The following CDC25B variants were observed in gnomAD, a reference collection of about 807,000 sequenced individuals.
CDC25B encodes the protein M-phase inducer phosphatase 2.
Under a neutral mutation model 69.8 loss-of-function variants are expected in CDC25B, and 33 were observed. That is an observed-to-expected ratio of 0.47 (90% CI 0.36 to 0.63). CDC25B has a LOEUF of 0.63. CDC25B is among the 30% of genes least tolerant of loss of function. The pLI is 0.00. For synonymous variants in CDC25B, 341 were observed against 314.6 expected (o/e 1.08, Z -0.89); for missense variants, 727 against 809.1 (o/e 0.90, Z 1.23).
chr20:3,794,151 C>T (rs544376630), upstream of CDC25B, among the ~76,000 whole-genome samples: 272 of 150,654 alleles, frequency 1.8e-3, no homozygotes, highest in African/African-American at 6.3e-3. Context: ...ATTTCTAGTT[C>T]TAGATCCCTG....
Position 3,796,505 on chromosome 20 carries a change from A to T in CDC25B, c.-27A>T. The T allele has an allele frequency of 6.9e-7, 1 of 1,445,558 alleles. No homozygotes were observed. Among genetic ancestry groups the T allele is most frequent in the South Asian group, 1.3e-5 (1 of 77,784 alleles). The allele number at this position is 1,445,558 out of a possible 1,614,324, so 89.5% of individuals were successfully genotyped here. On this transcript the variant is annotated 5_prime_UTR_variant, in exon 1 of 16. Transcript: ENST00000245960. ...TTGGCTGCCCTGCGCCCGGCCCTCCAGCCAGCCTTCTGCCGGCCCCGCCGC... is the reference window on the plus strand; with the variant it reads ...TTGGCTGCCCTGCGCCCGGCCCTCCTGCCAGCCTTCTGCCGGCCCCGCCGC...
Position 3,804,515 on chromosome 20 carries a change from T to C in CDC25B, c.1491-54T>C, listed in dbSNP as rs2089404230. 6.2e-6 allele frequency: 7 copies of C among 1,124,804 alleles called. No individual in the cohort carries two copies. In the South Asian group the frequency reaches 7.6e-5, roughly 12 times the overall value. The allele number at this position is 1,124,804 out of a possible 1,614,324, so 69.7% of individuals were successfully genotyped here. On this transcript the variant is annotated intron_variant, in intron 14 of 15. Coordinates refer to ENST00000245960, the MANE Select transcript of CDC25B (RefSeq NM_021873.4). The stretch of plus-strand genomic sequence containing the variant: ...GGGACGTGGGGGATAGGTCCCATGA[T>C]GTACAAGCCACTGCATGCCCCACTC...
At chr20:3,801,590 G>A (rs2089285236) in intron 8 of CDC25B, 132 bp from the exon 9 acceptor site, 7 of 1,023,080 alleles carry the variant, frequency 6.8e-6, no homozygotes, top group Non-Finnish European at 1.0e-5. Flanking sequence ...GGTTTGGGAG[G>A]TAGGGGAGCT....
chr20:3,802,117 T>C lies in CDC25B; in HGVS notation c.1098+17T>C. On this transcript the variant is annotated intron_variant, in intron 10 of 15. Coordinates refer to ENST00000245960, the MANE Select transcript of CDC25B (RefSeq NM_021873.4). ...GAGGAACCTGTGAGTGCCTTCCTCC[T>C]GGGGTTCACTTTGGCATGCACCTGG... 1.3e-6 allele frequency: 2 copies of C among 1,544,186 alleles called. No individual in the cohort carries two copies. Among genetic ancestry groups the C allele is most frequent in the Non-Finnish European group, 1.8e-6 (2 of 1,141,282 alleles).
At position 3,803,304 on chromosome 20, in the gene CDC25B, T is replaced by C; in HGVS notation, c.1356+98T>C. ...ATGGGTGGAGGACGGGTGCCCCCTCTCATGGGGAGGGTTCCTACTAAGAGA... is the reference window on the plus strand; with the variant it reads ...ATGGGTGGAGGACGGGTGCCCCCTCCCATGGGGAGGGTTCCTACTAAGAGA... On this transcript the variant is annotated intron_variant, in intron 13 of 15. Transcript: ENST00000245960. The surrounding 1 kb of genome is among the most constrained non-coding windows in gnomAD (Gnocchi z 4.9). 1.3e-6 allele frequency: 2 copies of C among 1,582,696 alleles called. No individual in the cohort carries two copies. The highest frequency in any genetic ancestry group is 1.7e-6 in the Non-Finnish European group (2 of 1,155,544).
chr20:3,803,165 G>A lies in CDC25B; in HGVS notation c.1315G>A (p.Asp439Asn). 1.2e-6 allele frequency: 2 copies of A among 1,614,016 alleles called. No individual in the cohort carries two copies. The highest frequency in any genetic ancestry group is 2.2e-5 in the East Asian group (1 of 44,880). ...CATCGTGGATAAGTTTGTGATTGTA[G>A]ACTGCAGATACCCCTATGAATATGA... Reference protein sequence around the residue: ...SNIVDKFVIVDCRYPYEYEGG... With the variant: ...SNIVDKFVIVNCRYPYEYEGG... The change falls in exon 13 of 16, where the codon GAC becomes AAC. Residue 439 changes from aspartate to asparagine, a missense_variant. Around this residue, in one of 2 missense-constraint regions of CDC25B, gnomAD observed 359 missense variants for 463.4 expected, o/e 0.77. Transcript: ENST00000245960. The surrounding 1 kb of genome is among the most constrained non-coding windows in gnomAD (Gnocchi z 4.9).
rs746584814 is a variant in CDC25B at position 3,800,259 on chromosome 20, G to A, written c.381-29G>A. On this transcript the variant is annotated intron_variant, in intron 3 of 15. Transcript: ENST00000245960. ...TGGGTGATGGGTGCGGAGGGAGCAT[G>A]GGTTGCATGGGACCCTTCTCTGTCC... The A allele has an allele frequency of 6.9e-6, 11 of 1,588,770 alleles. No individual in the cohort carries two copies. In the South Asian group the frequency reaches 1.2e-4, roughly 18 times the overall value.
rs1416753572 is a variant in CDC25B, at chr20:3,802,015, G to A, written c.1013G>A (p.Arg338Gln). The A allele has an allele frequency of 7.5e-6, 12 of 1,596,196 alleles. No homozygotes were observed. Among genetic ancestry groups the A allele is most frequent in the Admixed American group, 1.7e-5 (1 of 57,358 alleles). Residue 338 changes from arginine (R) to glutamine (Q), a missense_variant, in exon 10 of 16, where the codon CGG becomes CAG. This residue lies in a region of CDC25B where 359 missense variants were observed against 463.4 expected (regional missense o/e 0.77). Transcript: ENST00000245960. ...VIRPILKRLE[R>Q]PQDRDTPVQN... ...CGGCCCATCCTCAAGAGGCTGGAGC[G>A]GCCCCAGGACAGGGACACGCCCGTG...
chr20:3,793,728 T>A (rs1482006297), upstream of CDC25B, among the ~76,000 whole-genome samples: 2 of 144,440 alleles, frequency 1.4e-5, no homozygotes, highest in African/African-American at 5.1e-5. Flanking sequence ...TAGGTATATC[T>A]CCTAATGCTA....
chr20:3,796,410 TCCCTCCTTCCCCCCC>T lies in CDC25B; in HGVS notation c.-118_-104del. On this transcript the variant is annotated 5_prime_UTR_variant, in exon 1 of 16. Transcript: ENST00000245960. ...GCCTGGCCCTGTGGCTCTTCCTCCC[TCCCTCCTTCCCCCCC>T]CCCCCACCCCTCGCCCGCTGCCTCC... 2 of 164,202 alleles carry T rather than the reference TCCCTCCTTCCCCCCC, an allele frequency of 1.2e-5. No individual in the cohort carries two copies. The highest frequency in any genetic ancestry group is 1.4e-5 in the Non-Finnish European group (2 of 145,418). 10.2% of individuals were successfully genotyped at this position (164,202 alleles called of 1,614,324 possible).
In CDC25B at chr20:3,803,650, G is replaced by A; in HGVS notation, c.1490+113G>A. 4 of 1,362,110 alleles carry A rather than the reference G, an allele frequency of 2.9e-6. No individual in the cohort carries two copies. The highest frequency in any genetic ancestry group is 4.1e-6 in the Non-Finnish European group (4 of 981,758). The allele number at this position is 1,362,110 out of a possible 1,614,324, so 84.4% of individuals were successfully genotyped here. ...GGGGTGCAAGTCCAGGTCCTCCTCT[G>A]TCCCATCTGATGGCCTAGAGCTGAC... is the stretch of plus-strand genomic sequence containing the variant. On this transcript the variant is annotated intron_variant, in intron 14 of 15. Coordinates refer to ENST00000245960, the MANE Select transcript of CDC25B (RefSeq NM_021873.4). This position sits in a 1 kb window ranked among gnomAD's most constrained non-coding sequence, Gnocchi z 4.9.
upstream of CDC25B, among the ~76,000 whole-genome samples, chr20:3,793,411 C>T (rs1016096621): frequency 2.0e-5 from 3 of 152,064 alleles, no homozygotes; most frequent in African/African-American, 7.2e-5. Context: ...GAGCCGAGAT[C>T]ATGCCACTGC....
At position 3,796,524 on chromosome 20, in the gene CDC25B, C is replaced by T. The variant is rs1407887407; in HGVS notation, c.-8C>T. 7 of 1,489,450 alleles carry T rather than the reference C, an allele frequency of 4.7e-6. No individual in the cohort carries two copies. The highest frequency in any genetic ancestry group is 2.9e-5 in the African/African-American group (2 of 68,322). The allele number at this position is 1,489,450 out of a possible 1,614,324, so 92.3% of individuals were successfully genotyped here. On this transcript the variant is annotated 5_prime_UTR_variant, in exon 1 of 16. Coordinates refer to ENST00000245960, the MANE Select transcript of CDC25B (RefSeq NM_021873.4). The stretch of plus-strand genomic sequence containing the variant: ...CCCTCCAGCCAGCCTTCTGCCGGCC[C>T]CGCCGCGATGGAGGTGCCCCAGCCG...
intron 14 of CDC25B, among the ~76,000 whole-genome samples, 168 bp from the exon 15 acceptor site, chr20:3,804,401 T>C (rs1297128376): frequency 1.3e-5 from 2 of 152,160 alleles, no homozygotes; most frequent in East Asian, 3.9e-4. Flanking sequence ...CCCCACCCTC[T>C]TCTGTAGCCA....
chr20:3,800,905 G>T, intron 6 of CDC25B, 40 bp downstream of exon 6: 1 of 1,612,858 alleles, frequency 6.2e-7, no homozygotes, highest in Non-Finnish European at 8.5e-7. Flanking sequence ...TCTCCGGGAA[G>T]AGGAGGGGGC....
chr20:3,796,665 G>T lies in CDC25B; in HGVS notation c.134G>T (p.Arg45Leu). 3 of 1,508,954 alleles carry T rather than the reference G, an allele frequency of 2.0e-6. No homozygotes were observed. The highest frequency in any genetic ancestry group is 2.6e-5 in the East Asian group (1 of 38,756). 93.5% of individuals were successfully genotyped at this position (1,508,954 alleles called of 1,614,324 possible). The change falls in exon 1 of 16, where the codon CGG (arginine) becomes CTG (leucine). Residue 45 changes from arginine (R) to leucine (L), a missense_variant. This residue lies in a region of CDC25B where 368 missense variants were observed against 345.6 expected (regional missense o/e 1.06). Coordinates refer to ENST00000245960, the MANE Select transcript of CDC25B (RefSeq NM_021873.4). Reference sequence around the variant, plus strand: ...CATGGCCTCCTGGGGTCCCCGGTGCGGGCGGCCGCTTCCTCGCCGGTCACC... The same window carrying T: ...CATGGCCTCCTGGGGTCCCCGGTGCTGGCGGCCGCTTCCTCGCCGGTCACC... ...GSHGLLGSPVRAAASSPVTTL... is the reference protein window; with the variant it reads ...GSHGLLGSPVLAAASSPVTTL...
intron 1 of CDC25B, among the ~76,000 whole-genome samples, chr20:3,788,808 T>C (rs1851322154): frequency 6.6e-6 from 1 of 151,708 alleles, no homozygotes; most frequent in African/African-American, 2.4e-5. Context: ...TTTCCTTCTT[T>C]CTTTCCTTCC....
At chr20:3,788,124 G>A (rs2088854378) in intron 1 of CDC25B, among the ~76,000 whole-genome samples, 1 of 140,538 alleles carries the variant, frequency 7.1e-6, no homozygotes, top group South Asian at 2.2e-4. Flanking sequence ...GCAAAAGAGT[G>A]AGACTCCATC....
At position 3,804,848 on chromosome 20, in the gene CDC25B, C is replaced by T. The variant is rs923513236; in HGVS notation, c.1630C>T (p.Pro544Ser). The change falls in exon 16 of 16, where the codon CCC becomes TCC. Residue 544 changes from proline (P) to serine (S), a missense_variant. Around this residue, in one of 2 missense-constraint regions of CDC25B, gnomAD observed 359 missense variants for 463.4 expected, o/e 0.77. Coordinates refer to ENST00000245960, the MANE Select transcript of CDC25B (RefSeq NM_021873.4). ...CTTCTGTGAACCCCAGGACTACCGG[C>T]CCATGAACCACGAGGCCTTCAAGGA... ...PNFCEPQDYRPMNHEAFKDEL... is the reference protein window; with the variant it reads ...PNFCEPQDYRSMNHEAFKDEL... 4 of 1,614,068 alleles carry T rather than the reference C, an allele frequency of 2.5e-6. No individual in the cohort carries two copies. The African/African-American group carries it at 5.3e-5, about 22-fold the overall frequency.
Sources: allele counts gnomAD v4.1 joint callset (sites outside exome capture counted in the v4.1 genomes callset), GRCh38; gene constraint gnomAD v4.1.1; regional missense constraint gnomAD v4.1.1; non-coding constraint Gnocchi (gnomAD v3.1); transcripts MANE v1.5; gene names NCBI Gene and HGNC (gene_info 2026-07-23, HGNC 2026-07-21).